Variants in FBXL17 observed in about 807,000 individuals in gnomAD.
FBXL17 encodes F-box and leucine rich repeat protein 17, also known as F-box/LRR-repeat protein 17.
A neutral mutation model predicts 66.2 loss-of-function variants in FBXL17; 22 were observed. The ratio of observed to expected loss-of-function variants is 0.33; its 90% CI spans 0.24 to 0.47. FBXL17 has a LOEUF of 0.47. FBXL17 is among the 20% of genes least tolerant of loss of function. The pLI is 1.00. For missense variants in FBXL17, 878 were observed against 948.2 expected, an observed-to-expected ratio of 0.93 and a Z score of 0.97; for synonymous variants, 474 against 400.5, an observed-to-expected ratio of 1.18 and a Z score of -2.19.
intron 4 of FBXL17, among the ~76,000 whole-genome samples, chr5:108,300,803 A>G (rs966836825): frequency 1.3e-5 from 2 of 151,710 alleles, no homozygotes; most frequent in Non-Finnish European, 3.0e-5. Context: ...TCTATATGCA[A>G]TTGTGTTATA....
chr5:107,919,671 C>A (rs1408893404), intron 7 of FBXL17, among the ~76,000 whole-genome samples: 1 of 152,170 alleles, frequency 6.6e-6, no homozygotes, highest in African/African-American at 2.4e-5. Flanking sequence ...ATCCTCCCAT[C>A]CCCAAATCTT....
intron 7 of FBXL17, among the ~76,000 whole-genome samples, chr5:107,918,397 A>G (rs1257651053): frequency 6.6e-6 from 1 of 152,218 alleles, no homozygotes; most frequent in Non-Finnish European, 1.5e-5. Flanking sequence ...AAATGTACAG[A>G]GAGTTTTTAA....
At chr5:107,914,953 G>A (rs1750078588) in intron 7 of FBXL17, among the ~76,000 whole-genome samples, 1 of 151,976 alleles carries the variant, frequency 6.6e-6, no homozygotes, top group Non-Finnish European at 1.5e-5. Flanking sequence ...TTTACTAATT[G>A]CAACCAAAAG....
At chr5:107,963,113 T>C (rs1012989057) in intron 7 of FBXL17, among the ~76,000 whole-genome samples, 44 of 152,286 alleles carry the variant, frequency 2.9e-4, no homozygotes, top group African/African-American at 1.0e-3. Context: ...TTTCTAAGAT[T>C]CTGGTGTCCT....
At chr5:108,201,028 G>A (rs146552708) in intron 5 of FBXL17, among the ~76,000 whole-genome samples, 1 of 152,072 alleles carries the variant, frequency 6.6e-6, no homozygotes, top group Non-Finnish European at 1.5e-5. Flanking sequence ...GAGGTTCCAA[G>A]CTAAAATTTT....
chr5:108,321,232 T>G (rs1759604897), intron 4 of FBXL17, among the ~76,000 whole-genome samples: 1 of 151,828 alleles, frequency 6.6e-6, no homozygotes, highest in Non-Finnish European at 1.5e-5. Context: ...CATCCTTAAT[T>G]ACTGAGTATA....
chr5:108,339,759 A>G (rs777338812), intron 4 of FBXL17, among the ~76,000 whole-genome samples: 8 of 152,134 alleles, frequency 5.3e-5, no homozygotes, highest in Non-Finnish European at 1.0e-4. Flanking sequence ...GGAATTTCCT[A>G]TTTTTAACCA....
At chr5:108,299,327 A>T in intron 4 of FBXL17, 4 of 984,878 alleles carry the variant, frequency 4.1e-6, no homozygotes, top group Non-Finnish European at 4.8e-6. Context: ...TCCCTACCTC[A>T]AGATACCATT....
At chr5:108,298,047 G>A (rs1434756206) in intron 4 of FBXL17, 1 of 984,240 alleles carries the variant, frequency 1.0e-6, no homozygotes, top group Non-Finnish European at 1.2e-6. Flanking sequence ...ACAGAATGAT[G>A]ATAAAGCAAT....
intron 7 of FBXL17, among the ~76,000 whole-genome samples, chr5:108,010,819 G>T (rs1754148350): frequency 6.6e-6 from 1 of 152,114 alleles, no homozygotes; most frequent in African/African-American, 2.4e-5. Context: ...TTAAACAATA[G>T]TTCTTCACTG....
intron 6 of FBXL17, among the ~76,000 whole-genome samples, chr5:108,126,662 T>TAC (rs71593250): frequency 8.4e-6 from 1 of 119,432 alleles, no homozygotes; most frequent in African/African-American, 3.0e-5. Flanking sequence ...TATATATATA[T>TAC]ACATATATAT....
intron 7 of FBXL17, among the ~76,000 whole-genome samples, chr5:107,931,360 G>A (rs1362863101): frequency 3.3e-5 from 5 of 150,498 alleles, no homozygotes; most frequent in African/African-American, 1.2e-4. Context: ...CCCAAGCTCA[G>A]GTGATCCTCC....
intron 5 of FBXL17, among the ~76,000 whole-genome samples, chr5:108,194,588 C>T (rs1365857314): frequency 6.6e-6 from 1 of 152,150 alleles, no homozygotes; most frequent in Admixed American, 6.5e-5. Context: ...CTTCCTTCTC[C>T]CCTTCTAGCC....
chr5:108,107,225 C>T (rs1418724208), intron 6 of FBXL17, among the ~76,000 whole-genome samples: 1 of 152,088 alleles, frequency 6.6e-6, no homozygotes, highest in Non-Finnish European at 1.5e-5. Flanking sequence ...GCATGTGCCA[C>T]CACGCCTGGC....
chr5:108,253,275 C>A (rs1196151800), intron 4 of FBXL17, among the ~76,000 whole-genome samples: 1 of 152,066 alleles, frequency 6.6e-6, no homozygotes, highest in East Asian at 1.9e-4. Context: ...TATTTCTGTC[C>A]TGAGCAGGTT....
chr5:108,347,694 G>A (rs1001136168), intron 4 of FBXL17, among the ~76,000 whole-genome samples: 1 of 152,082 alleles, frequency 6.6e-6, no homozygotes, highest in Admixed American at 6.6e-5. Context: ...AATGGGGAGG[G>A]ATAGCTAATG....
chr5:108,057,230 CT>C (rs1747743985), intron 6 of FBXL17, among the ~76,000 whole-genome samples: 1 of 152,070 alleles, frequency 6.6e-6, no homozygotes, highest in Non-Finnish European at 1.5e-5. Flanking sequence ...TTGGGCCAAA[CT>C]ACTAAAAGTT....
intron 6 of FBXL17, among the ~76,000 whole-genome samples, chr5:108,181,465 G>A (rs1334439000): frequency 6.6e-6 from 1 of 152,054 alleles, no homozygotes; most frequent in Non-Finnish European, 1.5e-5. Flanking sequence ...CAAAGATAAA[G>A]AGCAGCATGT....
chr5:108,355,095 A>C (rs1168480188), intron 3 of FBXL17, among the ~76,000 whole-genome samples: 1 of 152,060 alleles, frequency 6.6e-6, no homozygotes, highest in Non-Finnish European at 1.5e-5. Flanking sequence ...GCATCAGAGA[A>C]AGAATAATGA....
Sources: allele counts gnomAD v4.1 joint callset (sites outside exome capture counted in the v4.1 genomes callset), GRCh38; gene constraint gnomAD v4.1.1; transcripts MANE v1.5; gene names NCBI Gene and HGNC (gene_info 2026-07-23, HGNC 2026-07-21).